CFAP54: variants seen among roughly 807,000 people sequenced by gnomAD.
CFAP54 encodes cilia- and flagella-associated protein 54.
A neutral mutation model predicts 370.4 loss-of-function variants in CFAP54; 290 were observed. The ratio of observed to expected loss-of-function variants is 0.78; its 90% CI spans 0.71 to 0.86. The LOEUF is 0.86. CFAP54 is among the 40% of genes least tolerant of loss of function. The pLI is 0.00. For missense variants in CFAP54, 3,399 were observed against 3,528.7 expected (o/e 0.96, Z 0.93); for synonymous variants, 1,206 against 1,236.5 (o/e 0.98, Z 0.52).
chr12:96,822,938 T>A (rs1959049097), intron 65 of CFAP54, among the ~76,000 whole-genome samples: 1 of 152,210 alleles, frequency 6.6e-6, no homozygotes, highest in Admixed American at 6.5e-5. Flanking sequence ...CAGCAATTTA[T>A]TATGTTGTTC....
Position 96,742,508 on chromosome 12 carries a change from A to G in CFAP54, c.7141A>G (p.Ile2381Val). 1 of 1,612,892 alleles carries G rather than the reference A, an allele frequency of 6.2e-7. No individual in the cohort carries two copies. The change falls in exon 52 of 68, where the codon ATT becomes GTT. Residue 2381 changes from isoleucine to valine, a missense_variant. Around this residue, in one of 3 missense-constraint regions of CFAP54, gnomAD observed 2,796 missense variants for 2,869.7 expected, o/e 0.97. Transcript: ENST00000524981. ...CCTAAATGCCCGAGAATATTTCAAC[A>G]TTCATCTGTGGTTGAGGTGCCGCTT... is the stretch of plus-strand genomic sequence containing the variant. ...ISLNAREYFN[I>V]HLWLRCRLAL... is the part of the protein sequence containing the mutation.
chr12:96,859,524 G>A (rs1012819665), intron 66 of CFAP54, among the ~76,000 whole-genome samples: 10 of 152,160 alleles, frequency 6.6e-5, no homozygotes, highest in Admixed American at 3.9e-4. Flanking sequence ...TCCTGCCTCA[G>A]CCTTTCGAGT....
chr12:96,684,796 GT>G (rs1418428600), intron 41 of CFAP54, 61 bp downstream of exon 41: 3 of 1,369,590 alleles, frequency 2.2e-6, no homozygotes, highest in Non-Finnish European at 3.0e-6. Context: ...GTTTGAAGAA[GT>G]TTTTAATGAA....
intron 38 of CFAP54, among the ~76,000 whole-genome samples, chr12:96,660,240 G>A (rs1378516930): frequency 6.6e-6 from 1 of 152,126 alleles, no homozygotes; most frequent in Non-Finnish European, 1.5e-5. Context: ...CAGAAAGAAG[G>A]CCTGTATGGC....
chr12:96,644,670 A>G (rs921342001), intron 33 of CFAP54, among the ~76,000 whole-genome samples: 3 of 152,164 alleles, frequency 2.0e-5, no homozygotes, highest in African/African-American at 7.2e-5. Context: ...AGGGGAAGCA[A>G]ACATGTCCTT....
chr12:96,621,435 G>A (rs530407626), intron 26 of CFAP54, among the ~76,000 whole-genome samples, 155 bp from the exon 27 acceptor site: 14 of 141,766 alleles, frequency 9.9e-5, no homozygotes, highest in East Asian at 7.8e-4. Flanking sequence ...GTGTTAATAC[G>A]ATCTGGAGGT....
At chr12:96,830,941 G>A (rs1376838218) in intron 66 of CFAP54, among the ~76,000 whole-genome samples, 2 of 152,092 alleles carry the variant, frequency 1.3e-5, no homozygotes, top group Non-Finnish European at 2.9e-5. Context: ...TTCCCAATGT[G>A]CTGGGATTAC....
intron 30 of CFAP54, among the ~76,000 whole-genome samples, chr12:96,628,111 C>T (rs1956566316): frequency 6.6e-6 from 1 of 152,120 alleles, no homozygotes; most frequent in Admixed American, 6.6e-5. Context: ...CAGGTGGTAC[C>T]AGCTAGGTTT....
At chr12:96,788,850 A>G (rs1427381813) in intron 62 of CFAP54, among the ~76,000 whole-genome samples, 1 of 152,200 alleles carries the variant, frequency 6.6e-6, no homozygotes, top group Non-Finnish European at 1.5e-5. Flanking sequence ...TATTGAAAGC[A>G]CACTGGAAGA....
chr12:96,495,293 T>TTTCC (rs1387128771), intron 1 of CFAP54, among the ~76,000 whole-genome samples: 9 of 70,280 alleles, frequency 1.3e-4, no homozygotes, highest in Non-Finnish European at 2.3e-4. Flanking sequence ...TCCTTCCTTC[T>TTTCC]TTCCTTCCTT....
At chr12:96,642,452 C>T (rs756611556) in intron 32 of CFAP54, among the ~76,000 whole-genome samples, 65 of 152,254 alleles carry the variant, frequency 4.3e-4, no homozygotes, top group Non-Finnish European at 8.2e-4. Flanking sequence ...TATTGTCTAT[C>T]TAAACATATC....
At chr12:96,827,586 G>GTTATATGTGATTATATATAGTGTGCAA (rs1555340669) in intron 65 of CFAP54, among the ~76,000 whole-genome samples, 4,521 of 10,370 alleles carry the variant, frequency 0.44, 1,828 homozygotes, top group South Asian at 0.6. Flanking sequence ...ATAGTGTGCA[G>GTTATATGTGATTATATATAGTGTGCAA]TTATATGTGA....
At chr12:96,544,161 T>C (rs1005564602) in intron 14 of CFAP54, among the ~76,000 whole-genome samples, 5 of 147,822 alleles carry the variant, frequency 3.4e-5, no homozygotes, top group African/African-American at 1.3e-4. Flanking sequence ...AATGAACACA[T>C]ATATTTTGTA....
chr12:96,727,795 T>G (rs1428795442), intron 50 of CFAP54, among the ~76,000 whole-genome samples: 178 of 151,740 alleles, frequency 1.2e-3, no homozygotes, highest in African/African-American at 3.9e-3. Context: ...ATTTTGGCAT[T>G]ATTTTGCAGC....
At chr12:96,694,453 CTCTAA>C (rs1957419282) in intron 45 of CFAP54, among the ~76,000 whole-genome samples, 2 of 152,014 alleles carry the variant, frequency 1.3e-5, no homozygotes, top group South Asian at 4.2e-4. Flanking sequence ...ACTTCCTCAA[CTCTAA>C]TATAGAATTC....
At chr12:96,732,684 G>C (rs967787081) in intron 50 of CFAP54, among the ~76,000 whole-genome samples, 5 of 152,188 alleles carry the variant, frequency 3.3e-5, no homozygotes, top group Non-Finnish European at 7.3e-5. Context: ...GGTATAAAGA[G>C]GTGCTGAGAA....
intron 27 of CFAP54, among the ~76,000 whole-genome samples, chr12:96,622,960 G>T (rs1242511061): frequency 6.6e-6 from 1 of 151,698 alleles, no homozygotes; most frequent in Admixed American, 6.6e-5. Context: ...GTTTGTTTTT[G>T]TGCCATGCAG....
At chr12:96,745,337 T>A (rs992740465) in intron 55 of CFAP54, among the ~76,000 whole-genome samples, 4 of 152,204 alleles carry the variant, frequency 2.6e-5, no homozygotes, top group African/African-American at 9.6e-5. Flanking sequence ...TCTGCAACCT[T>A]GCCAGCATCT....
intron 62 of CFAP54, among the ~76,000 whole-genome samples, chr12:96,790,090 T>C (rs1184594658): frequency 2.6e-5 from 4 of 152,198 alleles, no homozygotes; most frequent in Admixed American, 1.3e-4. Context: ...TGATTCTGCA[T>C]GTTGTCAAGT....
Sources: allele counts gnomAD v4.1 joint callset (sites outside exome capture counted in the v4.1 genomes callset), GRCh38; gene constraint gnomAD v4.1.1; regional missense constraint gnomAD v4.1.1; transcripts MANE v1.5; gene names NCBI Gene and HGNC (gene_info 2026-07-23, HGNC 2026-07-21).